The following LRRK2 variants were observed in gnomAD, a reference collection of about 807,000 sequenced individuals.
The protein encoded by LRRK2 is leucine rich repeat kinase 2.
A neutral mutation model predicts 302.6 loss-of-function variants in LRRK2; 203 were observed. The observed-to-expected ratio is 0.67, with a 90% CI of 0.60 to 0.75. LRRK2 has a LOEUF of 0.75. LRRK2 is among the 30% of genes least tolerant of loss of function. The pLI, the probability that LRRK2 is intolerant of heterozygous loss-of-function variation, is 0.00. For synonymous variants in LRRK2, 1,066 were observed against 1,031.9 expected, an observed-to-expected ratio of 1.03 and a Z score of -0.63; for missense variants, 2,830 against 2,951.0, an observed-to-expected ratio of 0.96 and a Z score of 0.95.
chr12:40,327,194 G>C (rs1945579472), intron 38 of LRRK2, among the ~76,000 whole-genome samples: 1 of 152,164 alleles, frequency 6.6e-6, no homozygotes, highest in African/African-American at 2.4e-5. Flanking sequence ...CAGTTTGTGA[G>C]GCAGGCCTCC....
chr12:40,310,490 G>A lies in LRRK2; in HGVS notation c.4377G>A (p.Glu1459=). 6.2e-7 allele frequency: 1 copy of A among 1,612,980 alleles called. No individual in the cohort carries two copies. The change falls in exon 31 of 51, where the codon GAG becomes GAA. Residue 1459 remains glutamate, a synonymous_variant. Transcript: ENST00000298910. The part of the protein sequence containing the change: ...LVGTHLDVSD[E]KQRKACMSKI... ...GCACACATTTGGATGTTTCTGATGA[G>A]AAGCAACGCAAAGCCTGCATGAGTA...
chr12:40,304,351 A>G, intron 27 of LRRK2: 1 of 590,018 alleles, frequency 1.7e-6, no homozygotes, highest in South Asian at 2.3e-5. Flanking sequence ...TTCCATTCTC[A>G]CACCGACAAT....
chr12:40,280,601 G>A (rs752250816), intron 18 of LRRK2, among the ~76,000 whole-genome samples: 1 of 136,272 alleles, frequency 7.3e-6, no homozygotes, highest in Admixed American at 7.5e-5. Context: ...CTCCAGCCTA[G>A]GCAACAGAGC....
intron 33 of LRRK2, 81 bp downstream of exon 33, chr12:40,315,381 GA>G (rs1945183722): frequency 8.1e-7 from 1 of 1,233,606 alleles, no homozygotes; most frequent in Admixed American, 1.7e-5. Context: ...GAGCATTTTA[GA>G]ATTTGGGTTT....
chr12:40,245,474 A>G (rs1222066622), intron 7 of LRRK2, among the ~76,000 whole-genome samples: 1 of 152,146 alleles, frequency 6.6e-6, no homozygotes, highest in Non-Finnish European at 1.5e-5. Context: ...ATATCTGAAA[A>G]GCTAATAGGT....
At chr12:40,351,842 GC>G in intron 44 of LRRK2, 109 bp downstream of exon 44, 2 of 1,137,292 alleles carry the variant, frequency 1.8e-6, no homozygotes, top group Non-Finnish European at 2.6e-6. Context: ...TATTCAATTA[GC>G]CTTCTGTTAG....
intron 13 of LRRK2, among the ~76,000 whole-genome samples, chr12:40,263,433 G>A (rs1942865296): frequency 6.6e-6 from 1 of 151,954 alleles, no homozygotes; most frequent in Non-Finnish European, 1.5e-5. Flanking sequence ...GTAACTCTGA[G>A]CTTTTCTCAT....
intron 32 of LRRK2, among the ~76,000 whole-genome samples, chr12:40,314,836 C>T (rs1442364664): frequency 1.1e-4 from 17 of 151,948 alleles, no homozygotes; most frequent in Non-Finnish European, 8.8e-5. Context: ...TTCCTTTTCC[C>T]CATCGTTCTT....
In LRRK2 at chr12:40,240,407, A is replaced by G. The variant is rs1266756617; in HGVS notation, c.572-76A>G. On this transcript the variant is annotated intron_variant, in intron 5 of 50. Coordinates refer to ENST00000298910, the MANE Select transcript of LRRK2 (RefSeq NM_198578.4). ...TGATGTATCTCACACAACTATAATG[A>G]ATATTGTAATTTTTGAATAATTAAA... 4 of 1,331,160 alleles carry G rather than the reference A, an allele frequency of 3.0e-6. No individual in the cohort carries two copies. The East Asian group carries it at 9.7e-5, about 32-fold the overall frequency. The allele number at this position is 1,331,160 out of a possible 1,614,324, so 82.5% of individuals were successfully genotyped here.
chr12:40,258,907 T>A (rs925523301), intron 12 of LRRK2, among the ~76,000 whole-genome samples: 1 of 152,204 alleles, frequency 6.6e-6, no homozygotes, highest in African/African-American at 2.4e-5. Flanking sequence ...TCATAGTACC[T>A]ACTGCATTCT....
chr12:40,292,723 G>A (rs1944207353), intron 20 of LRRK2, among the ~76,000 whole-genome samples: 1 of 151,726 alleles, frequency 6.6e-6, no homozygotes, highest in Admixed American at 6.6e-5. Flanking sequence ...GACATAAAAT[G>A]AATTCTTTCT....
At position 40,352,668 on chromosome 12, in the gene LRRK2, C is replaced by T. The variant is rs376720916; in HGVS notation, c.6576+935C>T. Among the ~76,000 whole-genome samples the T allele has an allele frequency of 1.0e-4, 15 of 148,530 alleles. No individual in the cohort carries two copies. The South Asian group carries it at 1.1e-3, about 11-fold the overall frequency. ...ATTAGGGAGTAGTGATGACTCTTAA[C>T]GAGCATGCTGCCTTCAAGCATCTGT... On this transcript the variant is annotated intron_variant, in intron 44 of 50. Transcript: ENST00000298910.
At chr12:40,234,305 T>G (rs2136404030) in intron 3 of LRRK2, among the ~76,000 whole-genome samples, 1 of 151,612 alleles carries the variant, frequency 6.6e-6, no homozygotes, top group South Asian at 2.1e-4. Context: ...TATTTTGGGA[T>G]TAATAACATA....
chr12:40,279,354 G>C (rs1406003502), intron 18 of LRRK2, among the ~76,000 whole-genome samples: 1 of 151,540 alleles, frequency 6.6e-6, no homozygotes, highest in Non-Finnish European at 1.5e-5. Context: ...AAAAGAATTT[G>C]TAACCCATTT....
chr12:40,338,063 A>G (rs1945928395), intron 40 of LRRK2, among the ~76,000 whole-genome samples: 1 of 152,360 alleles, frequency 6.6e-6, no homozygotes, highest in East Asian at 1.9e-4. Flanking sequence ...TAGGTGCTAA[A>G]GAGGGAAAGC....
chr12:40,299,643 A>G (rs1944547125), intron 25 of LRRK2, among the ~76,000 whole-genome samples: 1 of 152,094 alleles, frequency 6.6e-6, no homozygotes, highest in Non-Finnish European at 1.5e-5. Flanking sequence ...TGTTTTGTAT[A>G]CTATAGAGGG....
In LRRK2 at chr12:40,334,957, AC is replaced by A; in HGVS notation, c.5758-9del. 1 of 1,613,610 alleles carries A rather than the reference AC, an allele frequency of 6.2e-7. No individual in the cohort carries two copies. The highest frequency in any genetic ancestry group is 1.7e-4 in the Middle Eastern group (1 of 5,816). On this transcript the variant is annotated splice_polypyrimidine_tract_variant and intron_variant, in intron 39 of 50. Transcript: ENST00000298910. ...TTGAATTACTCTTACATGATTTTGG[AC>A]TTTTGCAGGAGCTTGTGGTGCTTTG...
rs1168297789 is a variant in LRRK2 at position 40,309,232 on chromosome 12, A to G, written c.4316A>G (p.Lys1439Arg). 1 of 1,613,374 alleles carries G rather than the reference A, an allele frequency of 6.2e-7. No individual in the cohort carries two copies. Among genetic ancestry groups the G allele is most frequent in the Admixed American group, 1.7e-5 (1 of 59,914 alleles). Residue 1439 changes from lysine (K) to arginine (R), a missense_variant and splice_region_variant, in exon 30 of 51, where the codon AAG (lysine) becomes AGG (arginine). Physicochemically the swap from Lys to Arg is conservative, Grantham distance 26. Around this residue, in one of 3 missense-constraint regions of LRRK2, gnomAD observed 2,121 missense variants for 2,148.0 expected, o/e 0.99. Transcript: ENST00000298910. ...DAMKPWLFNIKARASSSPVIL... is the reference protein window; with the variant it reads ...DAMKPWLFNIRARASSSPVIL... ...ATGAAGCCTTGGCTCTTCAATATAA[A>G]GGTGATTTGTTCTGATCATTTGAAA... is the stretch of plus-strand genomic sequence containing the variant.
chr12:40,368,012 A>T lies in LRRK2; in HGVS notation c.*247A>T, dbSNP rs200119450. On this transcript the variant is annotated 3_prime_UTR_variant, in exon 51 of 51. Coordinates refer to ENST00000298910, the MANE Select transcript of LRRK2 (RefSeq NM_198578.4). ...ACCAGTTACTTTCGTTCATTAATTA[A>T]TGAAAATAAATCTGTGAAGTACCTA... The T allele has an allele frequency of 2.8e-4, 68 of 244,050 alleles. No individual in the cohort carries two copies. The highest frequency in any genetic ancestry group is 1.5e-3 in the African/African-American group (65 of 43,960). The allele number at this position is 244,050 out of a possible 1,614,324, so 15.1% of individuals were successfully genotyped here.
Sources: allele counts gnomAD v4.1 joint callset (sites outside exome capture counted in the v4.1 genomes callset), GRCh38; gene constraint gnomAD v4.1.1; regional missense constraint gnomAD v4.1.1; transcripts MANE v1.5; gene names NCBI Gene and HGNC (gene_info 2026-07-23, HGNC 2026-07-21).